Variants in CCZ1 observed in about 807,000 individuals in gnomAD.
CCZ1 encodes vacuolar fusion protein CCZ1 homolog.
CCZ1 carries 19 observed loss-of-function variants against 57.8 expected under a neutral mutation model. The observed-to-expected ratio is 0.33, with a 90% confidence interval of 0.23 to 0.48. The LOEUF is 0.48. Among genes scored for constraint, CCZ1 ranks in the 20% least tolerant of loss-of-function variants. CCZ1 has a pLI of 0.99. For missense variants in CCZ1, 200 were observed against 492.0 expected (o/e 0.41, Z 5.61); for synonymous variants, 81 against 167.0 (o/e 0.49, Z 3.97).
chr7:5,899,377 GTGTGT>G, intron 1 of CCZ1, among the ~76,000 whole-genome samples: 1 of 93,206 alleles, frequency 1.1e-5, no homozygotes, highest in Non-Finnish European at 2.4e-5. Context: ...GTGTGTGTGT[GTGTGT>G]GGTTTTTCTG....
intron 8 of CCZ1, among the ~76,000 whole-genome samples, chr7:5,911,476 G>T (rs1779024077): frequency 6.9e-6 from 1 of 145,574 alleles, no homozygotes; most frequent in African/African-American, 2.5e-5. Context: ...CTAATTTTTT[G>T]TAGAGATGGG....
At chr7:5,915,545 G>A (rs1779131693) in intron 10 of CCZ1, among the ~76,000 whole-genome samples, 1 of 150,302 alleles carries the variant, frequency 6.7e-6, no homozygotes, top group African/African-American at 2.4e-5. Flanking sequence ...TAATGACTTT[G>A]AGATACAATG....
chr7:5,916,677 C>A (rs1209046901), intron 10 of CCZ1, among the ~76,000 whole-genome samples: 3 of 148,132 alleles, frequency 2.0e-5, no homozygotes, highest in Non-Finnish European at 4.4e-5. Flanking sequence ...ACCTGAGCCT[C>A]GAGATCCAGA....
chr7:5,910,301 G>C (rs1781939998), intron 8 of CCZ1, 185 bp downstream of exon 8: 4 of 508,584 alleles, frequency 7.9e-6, no homozygotes, highest in Non-Finnish European at 1.4e-5. Flanking sequence ...TCCAGTATGT[G>C]ACATTCAGAT....
Position 5,900,537 on chromosome 7 carries a change from G to A in CCZ1, c.283G>A (p.Glu95Lys). ...HTQKNRQFFN[E>K]PEENFWMVMV... ...ACAGAAGAACAGACAGTTCTTCAAT[G>A]AACCAGAAGAAAATTTCTGGATGGT... The change falls in exon 3 of 15, where the codon GAA (glutamate) becomes AAA (lysine). Residue 95 changes from glutamate (E) to lysine (K), a missense_variant. Around this residue, in one of 5 missense-constraint regions of CCZ1, gnomAD observed 44 missense variants for 122.8 expected, o/e 0.36. Coordinates refer to ENST00000325974, the MANE Select transcript of CCZ1 (RefSeq NM_015622.6). 6.2e-7 allele frequency: 1 copy of A among 1,602,072 alleles called. No homozygotes were observed. Among genetic ancestry groups the A allele is most frequent in the Non-Finnish European group, 8.5e-7 (1 of 1,178,156 alleles).
Position 5,905,842 on chromosome 7 carries a change from C to T in CCZ1, c.698+573C>T, listed in dbSNP as rs566199158. 7.4e-5 allele frequency among the ~76,000 whole-genome samples: 8 copies of T among 107,832 alleles called. 1 individual carries two copies. In the South Asian group the frequency reaches 2.6e-3, roughly 35 times the overall value. The allele number at this position is 107,832 out of a possible 152,430, so 70.7% of individuals were successfully genotyped here. The stretch of plus-strand genomic sequence containing the variant: ...TTCCTATCAAGTAAGGTTTAGGAAT[C>T]CTGTTTTTATTTTGGAGTTTTTTTT... On this transcript the variant is annotated intron_variant, in intron 7 of 14. Coordinates refer to ENST00000325974, the MANE Select transcript of CCZ1 (RefSeq NM_015622.6).
At chr7:5,902,534 T>G in intron 5 of CCZ1, 127 bp from the exon 6 acceptor site, 1 of 1,362,284 alleles carries the variant, frequency 7.3e-7, no homozygotes, top group East Asian at 4.0e-5. Context: ...GTAAATATTC[T>G]CTGTTGGAAA....
chr7:5,912,313 T>C (rs1379394827), intron 9 of CCZ1, among the ~76,000 whole-genome samples: 2 of 137,558 alleles, frequency 1.5e-5, no homozygotes, highest in Non-Finnish European at 3.1e-5. Flanking sequence ...TGCCATCTGA[T>C]TGACAGTAAT....
At chr7:5,904,457 C>G (rs192355288) in intron 6 of CCZ1, among the ~76,000 whole-genome samples, 1 of 145,490 alleles carries the variant, frequency 6.9e-6, no homozygotes, top group Admixed American at 6.7e-5. Context: ...TTTGGGACGC[C>G]TAGACACGAG....
chr7:5,904,455 G>T (rs778371174), intron 6 of CCZ1, among the ~76,000 whole-genome samples: 1 of 145,774 alleles, frequency 6.9e-6, no homozygotes, highest in African/African-American at 2.6e-5. Flanking sequence ...GCTTTGGGAC[G>T]CCTAGACACG....
chr7:5,921,225 G>A (rs1310884342), intron 12 of CCZ1, among the ~76,000 whole-genome samples: 8 of 129,520 alleles, frequency 6.2e-5, no homozygotes, highest in South Asian at 2.3e-4. Context: ...CACCGCGCCC[G>A]GCCCATATGT....
chr7:5,908,220 C>T (rs1781880825), intron 7 of CCZ1, among the ~76,000 whole-genome samples: 1 of 142,488 alleles, frequency 7.0e-6, no homozygotes, highest in African/African-American at 2.7e-5. Flanking sequence ...GTCCCAGCTA[C>T]TGGGGAGGAG....
intron 1 of CCZ1, among the ~76,000 whole-genome samples, chr7:5,899,378 T>C (rs1001121503): frequency 2.0e-5 from 2 of 99,000 alleles, no homozygotes; most frequent in Non-Finnish European, 4.5e-5. Flanking sequence ...TGTGTGTGTG[T>C]GTGTGGTTTT....
rs545317361 is a variant in CCZ1 at position 5,908,367 on chromosome 7, G to A, written c.699-1668G>A. Among the ~76,000 whole-genome samples, 38 of 118,658 alleles carry A rather than the reference G, an allele frequency of 3.2e-4. 1 individual carries two copies. The highest frequency in any genetic ancestry group is 1.1e-3 in the African/African-American group (34 of 31,734). The allele number at this position is 118,658 out of a possible 152,430, so 77.8% of individuals were successfully genotyped here. ...TATATTACCCTTATGTATTTACTTA[G>A]TATATTGCTTTGATTTTTTTTTTTT... On this transcript the variant is annotated intron_variant, in intron 7 of 14. Transcript: ENST00000325974.
intron 6 of CCZ1, 97 bp downstream of exon 6, chr7:5,902,841 C>T (rs1415707627): frequency 2.1e-6 from 3 of 1,415,668 alleles, no homozygotes; most frequent in African/African-American, 3.0e-5. Context: ...TACAAAAAAC[C>T]CAGAACTTGA....
chr7:5,912,752 G>A (rs1779066280), intron 9 of CCZ1, 91 bp from the exon 10 acceptor site: 2 of 1,195,894 alleles, frequency 1.7e-6, no homozygotes, highest in Non-Finnish European at 2.5e-6. Context: ...AAAAGCAACT[G>A]GTGTGTATGA....
chr7:5,901,033 G>A (rs949895283), intron 4 of CCZ1, 101 bp downstream of exon 4: 1 of 608,322 alleles, frequency 1.6e-6, no homozygotes, highest in African/African-American at 2.6e-5. Flanking sequence ...GGCTTTTGCA[G>A]AAGTTTCTCG....
At chr7:5,920,951 GTTTTTTT>G (rs201738735) in intron 12 of CCZ1, among the ~76,000 whole-genome samples, 1 of 83,844 alleles carries the variant, frequency 1.2e-5, no homozygotes. Flanking sequence ...TGTTTTTTGG[GTTTTTTT>G]TTTTTTTTTT....
At chr7:5,920,668 C>T (rs1370354320) in intron 12 of CCZ1, among the ~76,000 whole-genome samples, 7 of 141,470 alleles carry the variant, frequency 4.9e-5, no homozygotes, top group African/African-American at 1.8e-4. Context: ...GACGGGGTTT[C>T]ACCATGTTGG....
Sources: allele counts gnomAD v4.1 joint callset (sites outside exome capture counted in the v4.1 genomes callset), GRCh38; gene constraint gnomAD v4.1.1; regional missense constraint gnomAD v4.1.1; transcripts MANE v1.5; gene names NCBI Gene and HGNC (gene_info 2026-07-23, HGNC 2026-07-21).